RAB3IP: variants seen among roughly 807,000 people sequenced by gnomAD.
The protein encoded by RAB3IP is RAB3A interacting protein.
A neutral mutation model predicts 59.1 loss-of-function variants in RAB3IP; 36 were observed. The ratio of observed to expected loss-of-function variants is 0.61; its 90% CI spans 0.47 to 0.80. The LOEUF (loss-of-function observed/expected upper bound fraction) is 0.80. RAB3IP is among the 30% of genes least tolerant of loss of function. RAB3IP has a pLI of 0.00. For missense variants in RAB3IP, 511 were observed against 536.0 expected (o/e 0.95, Z 0.46); for synonymous variants, 207 against 191.2 (o/e 1.08, Z -0.68).
rs906301265 is a variant in RAB3IP, at chr12:69,819,778, G to T, written c.*4332G>T. On this transcript the variant is annotated 3_prime_UTR_variant, in exon 11 of 11. Coordinates refer to ENST00000247833, the MANE Select transcript of RAB3IP (RefSeq NM_022456.5). Reference sequence around the variant, plus strand: ...TGGGGTGAGAGCCTGGCCTAATGGAGACAGCTCTGGATTGGGAGTCACTTA... The same window carrying T: ...TGGGGTGAGAGCCTGGCCTAATGGATACAGCTCTGGATTGGGAGTCACTTA... 2.6e-5 allele frequency: 4 copies of T among 152,212 alleles called. No individual in the cohort carries two copies. Among genetic ancestry groups the T allele is most frequent in the African/African-American group, 9.7e-5 (4 of 41,444 alleles). The allele number at this position is 152,212 out of a possible 1,614,324, so 9.4% of individuals were successfully genotyped here.
chr12:69,760,614 T>G (rs747957334), intron 3 of RAB3IP, among the ~76,000 whole-genome samples: 2 of 152,396 alleles, frequency 1.3e-5, no homozygotes, highest in East Asian at 3.9e-4. Context: ...TGATAAATTC[T>G]TTTAGCTTTT....
intron 8 of RAB3IP, 83 bp downstream of exon 8, chr12:69,801,804 T>C (rs1592597835): frequency 1.2e-6 from 1 of 834,078 alleles, no homozygotes; most frequent in Non-Finnish European, 2.0e-6. Flanking sequence ...TTTCTGGTTT[T>C]AAATGTAGTT....
At chr12:69,810,345 A>C (rs1000867622) in intron 8 of RAB3IP, among the ~76,000 whole-genome samples, 1 of 152,330 alleles carries the variant, frequency 6.6e-6, no homozygotes, top group South Asian at 2.1e-4. Context: ...CTCGGGGGTC[A>C]GGGAGCCACT....
chr12:69,801,561 A>ATATTTTT (rs78984402), intron 7 of RAB3IP, 48 bp from the exon 8 acceptor site: 374,995 of 1,129,946 alleles, frequency 0.33, 66,611 homozygotes, highest in South Asian at 0.35. Context: ...TACAATTTTG[A>ATATTTTT]TATTTTTCTG....
intron 8 of RAB3IP, among the ~76,000 whole-genome samples, chr12:69,811,577 T>C (rs1354704924): frequency 6.6e-6 from 1 of 152,232 alleles, no homozygotes. Context: ...AATTATACTT[T>C]TGGAAGTTCC....
intron 4 of RAB3IP, among the ~76,000 whole-genome samples, chr12:69,793,340 C>T (rs748755715): frequency 4.6e-5 from 7 of 152,116 alleles, no homozygotes; most frequent in African/African-American, 1.2e-4. Context: ...AATGAACAAA[C>T]GGGAAACAAA....
At chr12:69,752,935 G>A (rs1326366945) in intron 1 of RAB3IP, among the ~76,000 whole-genome samples, 2 of 152,062 alleles carry the variant, frequency 1.3e-5, no homozygotes, top group South Asian at 2.1e-4. Context: ...AAATTCTTTT[G>A]GGTGAAAAAA....
rs146570199 is a variant in RAB3IP, at chr12:69,801,617, A to T, written c.1026A>T (p.Ser342=). 264 of 1,606,872 alleles carry T rather than the reference A, an allele frequency of 1.6e-4. 1 individual carries two copies. The African/African-American group carries it at 3.3e-3, about 20-fold the overall frequency. Residue 342 remains serine, a synonymous_variant, in exon 8 of 11, where the codon TCA becomes TCT. Transcript: ENST00000247833. ...TTTTCTTTTTTTTTAAGTTGGCTTC[A>T]GCTGTTCTGGAGGCTGTGGAAAACA... is the stretch of plus-strand genomic sequence containing the variant. ...CLTFSKSELA[S]AVLEAVENNT...
At chr12:69,757,706 A>G (rs996161763) in intron 3 of RAB3IP, among the ~76,000 whole-genome samples, 6 of 139,896 alleles carry the variant, frequency 4.3e-5, no homozygotes, top group African/African-American at 9.8e-5. Flanking sequence ...AGCGTAGTAT[A>G]TTCATTTTTT....
intron 4 of RAB3IP, among the ~76,000 whole-genome samples, chr12:69,793,510 A>G (rs1261187887): frequency 1.3e-5 from 2 of 152,150 alleles, no homozygotes; most frequent in African/African-American, 4.8e-5. Context: ...TCTAAAATGT[A>G]AGTTCTTAAA....
intron 3 of RAB3IP, among the ~76,000 whole-genome samples, chr12:69,780,950 T>G (rs1565899260): frequency 6.6e-6 from 1 of 152,236 alleles, no homozygotes; most frequent in Non-Finnish European, 1.5e-5. Context: ...TCTTCCCTTT[T>G]CCTGTATCAT....
chr12:69,750,726 CTTTT>C (rs113789962), intron 1 of RAB3IP, among the ~76,000 whole-genome samples: 4 of 140,850 alleles, frequency 2.8e-5, no homozygotes, highest in Non-Finnish European at 6.2e-5. Flanking sequence ...TGGGGTCTTT[CTTTT>C]TTTTTTTTTT....
chr12:69,791,377 T>G (rs992238272), intron 4 of RAB3IP, among the ~76,000 whole-genome samples: 1 of 151,802 alleles, frequency 6.6e-6, no homozygotes, highest in African/African-American at 2.4e-5. Flanking sequence ...CAAAAAACAG[T>G]CAACAAAATG....
chr12:69,818,281 A>C lies in RAB3IP; in HGVS notation c.*2835A>C, dbSNP rs1285065607. The C allele has an allele frequency of 1.3e-5, 2 of 152,222 alleles. No homozygotes were observed. Among genetic ancestry groups the C allele is most frequent in the African/African-American group, 4.8e-5 (2 of 41,446 alleles). 9.4% of individuals were successfully genotyped at this position (152,222 alleles called of 1,614,324 possible). Reference sequence around the variant, plus strand: ...AGCAACATAGGGAGACCACATCTGCACAAAAAGATTTTTTTGAATTAGCTG... The same window carrying C: ...AGCAACATAGGGAGACCACATCTGCCCAAAAAGATTTTTTTGAATTAGCTG... On this transcript the variant is annotated 3_prime_UTR_variant, in exon 11 of 11. Transcript: ENST00000247833.
chr12:69,766,184 A>T (rs1217371474), intron 3 of RAB3IP, among the ~76,000 whole-genome samples: 1 of 152,098 alleles, frequency 6.6e-6, no homozygotes, highest in Non-Finnish European at 1.5e-5. Context: ...GATTTTTTGT[A>T]TCTGGGTGTT....
intron 3 of RAB3IP, among the ~76,000 whole-genome samples, chr12:69,775,450 T>C (rs1446232649): frequency 9.2e-6 from 1 of 108,466 alleles, no homozygotes; most frequent in Non-Finnish European, 1.8e-5. Flanking sequence ...CAACACTATG[T>C]TGAATAGGAG....
intron 8 of RAB3IP, among the ~76,000 whole-genome samples, chr12:69,811,677 AT>A (rs1296062816): frequency 6.6e-6 from 1 of 152,172 alleles, no homozygotes; most frequent in East Asian, 1.9e-4. Flanking sequence ...GTTACAGATC[AT>A]TAAAGGAATT....
chr12:69,779,936 G>T (rs1363237496), intron 3 of RAB3IP, among the ~76,000 whole-genome samples: 1 of 152,128 alleles, frequency 6.6e-6, no homozygotes, highest in Non-Finnish European at 1.5e-5. Flanking sequence ...TAACGAATTA[G>T]TTATTTATTC....
At chr12:69,760,781 C>G (rs894997754) in intron 3 of RAB3IP, among the ~76,000 whole-genome samples, 1 of 151,962 alleles carries the variant, frequency 6.6e-6, no homozygotes, top group Non-Finnish European at 1.5e-5. Context: ...TTACCCTTAC[C>G]TTTGTTCCTC....
Sources: allele counts gnomAD v4.1 joint callset (sites outside exome capture counted in the v4.1 genomes callset), GRCh38; gene constraint gnomAD v4.1.1; transcripts MANE v1.5; gene names NCBI Gene and HGNC (gene_info 2026-07-23, HGNC 2026-07-21).